Variants in NHS observed in about 807,000 individuals in gnomAD.
NHS encodes NHS actin remodeling regulator.
NHS carries 5 observed loss-of-function variants against 72.5 expected under a neutral mutation model. That is an observed-to-expected ratio of 0.07 (90% CI 0.04 to 0.14). The LOEUF (loss-of-function observed/expected upper bound fraction) is 0.14, where lower values mean the gene tolerates loss of function less well. NHS is among the 10% of genes least tolerant of loss of function. The pLI is 1.00. For missense variants in NHS, 1,072 were observed against 1,355.7 expected, an observed-to-expected ratio of 0.79 and a Z score of 3.29; for synonymous variants, 464 against 547.7, an observed-to-expected ratio of 0.85 and a Z score of 2.13.
At chrX:17,624,202 G>C (rs2065787192) in intron 1 of NHS, among the ~76,000 whole-genome samples, 1 of 112,576 alleles carries the variant, frequency 8.9e-6, no homozygotes, top group South Asian at 3.6e-4. Context: ...TTCTCACAAG[G>C]ACTAATGAAA....
Position 17,735,383 on chromosome X carries a change from T to A in NHS, c.*2919T>A. 8.8e-6 allele frequency: 1 copy of A among 113,476 alleles called. No individual in the cohort carries two copies. The highest frequency in any genetic ancestry group is 1.9e-5 in the Non-Finnish European group (1 of 53,419). 9.4% of individuals were successfully genotyped at this position (113,476 alleles called of 1,213,427 possible). ...TTGTGAAGAACATCAATCCGAACTT[T>A]TCTTCTGTTGTTTGCACTGATGCGA... On this transcript the variant is annotated 3_prime_UTR_variant, in exon 9 of 9. Coordinates refer to ENST00000676302, the MANE Select transcript of NHS (RefSeq NM_001291867.2).
At chrX:17,701,933 C>A (rs777044128) in intron 3 of NHS, among the ~76,000 whole-genome samples, 1 of 111,058 alleles carries the variant, frequency 9.0e-6, no homozygotes, top group Non-Finnish European at 1.9e-5. Context: ...ACATTGATAT[C>A]GATCACAGTG....
chrX:17,526,163 G>A (rs1601747369), intron 1 of NHS, among the ~76,000 whole-genome samples: 2 of 112,978 alleles, frequency 1.8e-5, no homozygotes, highest in African/African-American at 6.4e-5. Context: ...TTACACCTTT[G>A]CTAGAAAACA....
In NHS at chrX:17,455,308, C is replaced by G. The variant is rs778816194; in HGVS notation, c.565+78986C>G. Reference sequence around the variant, plus strand: ...TTACCTCCCAATAGCTAAGACAGCTCCTCTTCCTCCTTCTCCTCCTCCTCA... The same window carrying G: ...TTACCTCCCAATAGCTAAGACAGCTGCTCTTCCTCCTTCTCCTCCTCCTCA... On this transcript the variant is annotated intron_variant, in intron 1 of 8. Coordinates refer to ENST00000676302, the MANE Select transcript of NHS (RefSeq NM_001291867.2). Among the ~76,000 whole-genome samples the G allele has an allele frequency of 2.7e-5, 3 of 111,714 alleles. No homozygotes were observed. In the East Asian group the frequency reaches 8.5e-4, roughly 32 times the overall value.
intron 1 of NHS, among the ~76,000 whole-genome samples, chrX:17,466,398 G>T (rs768741472): frequency 1.8e-5 from 2 of 112,566 alleles, no homozygotes; most frequent in African/African-American, 6.5e-5. Flanking sequence ...GGTAGAATTG[G>T]TATATAACTA....
chrX:17,426,290 G>A (rs2064656979), intron 1 of NHS, among the ~76,000 whole-genome samples: 2 of 112,027 alleles, frequency 1.8e-5, no homozygotes, highest in Non-Finnish European at 3.8e-5. Flanking sequence ...ATCCTAACAC[G>A]TAACATCACT....
At chrX:17,515,386 C>T (rs2065114521) in intron 1 of NHS, among the ~76,000 whole-genome samples, 1 of 112,022 alleles carries the variant, frequency 8.9e-6, no homozygotes, top group African/African-American at 3.2e-5. Flanking sequence ...AATGGTGATT[C>T]AACTGCCAGC....
At chrX:17,455,567 G>A (rs773845555) in intron 1 of NHS, among the ~76,000 whole-genome samples, 3 of 112,428 alleles carry the variant, frequency 2.7e-5, no homozygotes, top group Non-Finnish European at 3.8e-5. Flanking sequence ...ACTGGAAATT[G>A]AGCAGGTCTG....
intron 1 of NHS, among the ~76,000 whole-genome samples, chrX:17,676,146 T>C (rs1342459367): frequency 8.9e-6 from 1 of 112,069 alleles, no homozygotes; most frequent in East Asian, 2.8e-4. Context: ...ATGCGCCATA[T>C]TGGAAAATAG....
At chrX:17,602,213 A>T (rs2065653477) in intron 1 of NHS, among the ~76,000 whole-genome samples, 1 of 112,053 alleles carries the variant, frequency 8.9e-6, no homozygotes, top group African/African-American at 3.2e-5. Flanking sequence ...CAAACAAACA[A>T]ACAAAAAAAC....
chrX:17,522,520 C>T (rs1324927856), intron 1 of NHS, among the ~76,000 whole-genome samples: 3 of 97,525 alleles, frequency 3.1e-5, no homozygotes, highest in African/African-American at 1.1e-4. Flanking sequence ...CCATCCCCCC[C>T]ATCCGGAAGC....
At chrX:17,554,575 A>T (rs1415346234) in intron 1 of NHS, among the ~76,000 whole-genome samples, 2 of 112,629 alleles carry the variant, frequency 1.8e-5, no homozygotes, top group Non-Finnish European at 3.8e-5. Context: ...AGCCAGGTTT[A>T]AGTCAGCTCC....
intron 1 of NHS, among the ~76,000 whole-genome samples, chrX:17,477,027 A>G (rs927648155): frequency 1.8e-5 from 2 of 112,419 alleles, no homozygotes; most frequent in African/African-American, 6.5e-5. Flanking sequence ...TGTTCCTGGC[A>G]CTGTTGTAAG....
chrX:17,421,852 C>G (rs1450868294), intron 1 of NHS, among the ~76,000 whole-genome samples: 1 of 112,299 alleles, frequency 8.9e-6, no homozygotes, highest in East Asian at 2.8e-4. Flanking sequence ...GCTAGGATTA[C>G]AGGCGTGAGC....
intron 1 of NHS, among the ~76,000 whole-genome samples, chrX:17,681,583 C>T (rs1326694314): frequency 9.0e-6 from 1 of 111,692 alleles, no homozygotes; most frequent in Non-Finnish European, 1.9e-5. Context: ...TCAAACCCCT[C>T]CTTTGTAAAG....
intron 1 of NHS, among the ~76,000 whole-genome samples, chrX:17,673,231 CACACACAA>C (rs2066059695): frequency 1.0e-5 from 1 of 96,375 alleles, no homozygotes; most frequent in African/African-American, 4.3e-5. Context: ...CACACACACA[CACACACAA>C]GAAAGCTCGT....
At chrX:17,638,467 G>A (rs959132285) in intron 1 of NHS, among the ~76,000 whole-genome samples, 3 of 111,857 alleles carry the variant, frequency 2.7e-5, no homozygotes, top group African/African-American at 9.8e-5. Flanking sequence ...GTATAGCTTT[G>A]GTAATTTCCA....
chrX:17,548,639 T>G (rs1287347096), intron 1 of NHS, among the ~76,000 whole-genome samples: 1 of 111,758 alleles, frequency 8.9e-6, no homozygotes, highest in East Asian at 2.8e-4. Flanking sequence ...CCCATACACA[T>G]GTATGCTCTC....
Position 17,375,667 on chromosome X carries a change from C to T in NHS, c.-91C>T. The T allele has an allele frequency of 3.0e-6, 3 of 1,015,125 alleles. No homozygotes were observed. The highest frequency in any genetic ancestry group is 4.0e-6 in the Non-Finnish European group (3 of 749,855). 83.7% of individuals were successfully genotyped at this position (1,015,125 alleles called of 1,213,427 possible). On this transcript the variant is annotated 5_prime_UTR_variant, in exon 1 of 9. Transcript: ENST00000676302. Reference sequence around the variant, plus strand: ...GCCAGATCGCGCTTTTGCCGGACTCCTGCCCCCTCCCTGCTCAGGTGGGCG... The same window carrying T: ...GCCAGATCGCGCTTTTGCCGGACTCTTGCCCCCTCCCTGCTCAGGTGGGCG...
Sources: gnomAD v4.1 joint callset for allele counts (sites outside exome capture counted in the v4.1 genomes callset) on GRCh38, gnomAD v4.1.1 for gene constraint, MANE v1.5 for transcripts, NCBI Gene and HGNC (gene_info 2026-07-23, HGNC 2026-07-21) for gene names.